Variants in PRDM16 observed in about 807,000 individuals in gnomAD.
PRDM16 encodes histone-lysine N-methyltransferase PRDM16.
In PRDM16, 23 loss-of-function variants were observed where a neutral mutation model predicts 110.6. That is an observed-to-expected ratio of 0.21 (90% CI 0.15 to 0.29). The LOEUF is 0.29. PRDM16 is among the 10% of genes least tolerant of loss of function. The pLI is 1.00. For synonymous variants in PRDM16, 799 were observed against 781.8 expected (o/e 1.02, Z -0.37); for missense variants, 1,615 against 1,794.3 (o/e 0.90, Z 1.81).
At chr1:3,189,610 A>C (rs1638247538) in intron 2 of PRDM16, among the ~76,000 whole-genome samples, 1 of 152,362 alleles carries the variant, frequency 6.6e-6, no homozygotes, top group East Asian at 1.9e-4. Context: ...TGTCCACGGT[A>C]TTTATTTACT....
In PRDM16 at chr1:3,390,282, G is replaced by A. The variant is rs963786409; in HGVS notation, c.573+4996G>A. 6.6e-6 allele frequency among the ~76,000 whole-genome samples: 1 copy of A among 152,192 alleles called. No homozygotes were observed. The highest frequency in any genetic ancestry group is 1.5e-5 in the Non-Finnish European group (1 of 68,036). Reference sequence around the variant, plus strand: ...GGGATGTCAACTGTCTAGTGGGGCTGAAGATGGCTGGGGACAGGGCTGAGG... The same window carrying A: ...GGGATGTCAACTGTCTAGTGGGGCTAAAGATGGCTGGGGACAGGGCTGAGG... On this transcript the variant is annotated intron_variant, in intron 4 of 16. Transcript: ENST00000270722. This position sits in a 1 kb window ranked among gnomAD's most constrained non-coding sequence, Gnocchi z 5.0.
chr1:3,073,608 G>T (rs945811999), intron 1 of PRDM16, among the ~76,000 whole-genome samples: 3 of 152,084 alleles, frequency 2.0e-5, no homozygotes, highest in African/African-American at 7.2e-5. Context: ...AGCGGCGGCC[G>T]CGGGCTCAGA....
chr1:3,428,765 A>C (rs1280670692), intron 14 of PRDM16, among the ~76,000 whole-genome samples: 3 of 151,692 alleles, frequency 2.0e-5, no homozygotes, highest in Non-Finnish European at 3.0e-5. Context: ...CAGCATTCCC[A>C]GGTGGAAGTC....
chr1:3,229,045 G>A (rs1372606344), intron 2 of PRDM16, among the ~76,000 whole-genome samples: 2 of 152,240 alleles, frequency 1.3e-5, no homozygotes, highest in Non-Finnish European at 2.9e-5. Flanking sequence ...AGCCTTCCTG[G>A]GTGAATGCCT....
Position 3,324,937 on chromosome 1 carries a change from G to A in PRDM16, c.439-60215G>A, listed in dbSNP as rs529184893. 9.9e-5 allele frequency among the ~76,000 whole-genome samples: 15 copies of A among 152,254 alleles called. No homozygotes were observed. In the East Asian group the frequency reaches 2.9e-3, roughly 30 times the overall value. On this transcript the variant is annotated intron_variant, in intron 3 of 16. Transcript: ENST00000270722. Reference sequence around the variant, plus strand: ...AGCGGACGCCCCTGGTGGTGCTGGAGAAAATACTGATGTCCTGGGGGGAGG... The same window carrying A: ...AGCGGACGCCCCTGGTGGTGCTGGAAAAAATACTGATGTCCTGGGGGGAGG...
At chr1:3,152,344 GCATTCATCCATC>G (rs1643790861) in intron 1 of PRDM16, among the ~76,000 whole-genome samples, 1 of 79,116 alleles carries the variant, frequency 1.3e-5, no homozygotes, top group Non-Finnish European at 2.6e-5. Flanking sequence ...ATTTATCTAT[GCATTCATCCATC>G]CATCCATCCA....
chr1:3,291,980 C>T (rs908362720), intron 3 of PRDM16, among the ~76,000 whole-genome samples: 1 of 152,232 alleles, frequency 6.6e-6, no homozygotes, highest in Admixed American at 6.5e-5. Flanking sequence ...GGGGCCTACC[C>T]GGTGCCTGGC....
chr1:3,269,733 G>GGAA, intron 3 of PRDM16, among the ~76,000 whole-genome samples: 1 of 151,352 alleles, frequency 6.6e-6, no homozygotes, highest in Middle Eastern at 3.6e-3. Flanking sequence ...AGGACAGTTG[G>GGAA]GAGGACAGTC....
At chr1:3,118,844 G>A (rs1335218425) in intron 1 of PRDM16, among the ~76,000 whole-genome samples, 1 of 152,242 alleles carries the variant, frequency 6.6e-6, no homozygotes, top group Non-Finnish European at 1.5e-5. Context: ...ACTTGCAGGT[G>A]TTTGGACACA....
intron 1 of PRDM16, among the ~76,000 whole-genome samples, chr1:3,184,674 ACACCTCATCACC>A (rs996138890): frequency 1.1e-4 from 16 of 151,860 alleles, no homozygotes; most frequent in African/African-American, 3.9e-4. Context: ...TAGTTTCCAA[ACACCTCATCACC>A]CCGAAAGGAG....
intron 16 of PRDM16, among the ~76,000 whole-genome samples, chr1:3,432,750 G>T (rs181868983): frequency 6.6e-6 from 1 of 152,186 alleles, no homozygotes; most frequent in Non-Finnish European, 1.5e-5. Context: ...AGCCGTCTGC[G>T]TGTCTGTCTT....
intron 1 of PRDM16, among the ~76,000 whole-genome samples, chr1:3,140,649 A>T (rs1569665305): frequency 6.6e-6 from 1 of 152,234 alleles, no homozygotes; most frequent in East Asian, 1.9e-4. Context: ...GGCTGTAAAA[A>T]CCGGGACAGC....
chr1:3,354,375 G>A (rs1198129297), intron 3 of PRDM16, among the ~76,000 whole-genome samples: 4 of 150,158 alleles, frequency 2.7e-5, no homozygotes, highest in Non-Finnish European at 4.4e-5. Context: ...CAGGAGAATC[G>A]CTTGAATCCA....
intron 1 of PRDM16, among the ~76,000 whole-genome samples, chr1:3,076,082 T>G (rs1641892228): frequency 6.6e-6 from 1 of 152,188 alleles, no homozygotes; most frequent in Non-Finnish European, 1.5e-5. Context: ...AAAGCGGCTT[T>G]CTGAGCCTGC....
At chr1:3,404,511 C>T (rs1297471737) in intron 6 of PRDM16, among the ~76,000 whole-genome samples, 1 of 152,256 alleles carries the variant, frequency 6.6e-6, no homozygotes, top group African/African-American at 2.4e-5. Context: ...GGGATGGAAC[C>T]ATCCAGGTGC....
intron 3 of PRDM16, among the ~76,000 whole-genome samples, chr1:3,292,261 CTTA>C (rs1174158775): frequency 6.6e-6 from 1 of 152,206 alleles, no homozygotes; most frequent in African/African-American, 2.4e-5. Context: ...CAACACTTGT[CTTA>C]TTATGCTGCA....
In PRDM16 at chr1:3,212,699, G is replaced by GCGGTCCTCCCGCTCAT. The variant is rs1569855056; in HGVS notation, c.387+26226_387+26227insGGTCCTCCCGCTCATC. Among the ~76,000 whole-genome samples the GCGGTCCTCCCGCTCAT allele has an allele frequency of 4.0e-5, 3 of 75,076 alleles. No homozygotes were observed. The African/African-American group carries it at 5.5e-4, about 14-fold the overall frequency. 49.3% of individuals were successfully genotyped at this position (75,076 alleles called of 152,430 possible). A position where few individuals can be genotyped will look rare whatever the true frequency, so the allele number is the denominator to read the frequency against. On this transcript the variant is annotated intron_variant, in intron 2 of 16. Transcript: ENST00000270722. ...CGGCCCCCTCGCTGCGGTCCTCTCT[G>GCGGTCCTCCCGCTCAT]CCACTGTGGATGGGCTTCACACAAA... is the stretch of plus-strand genomic sequence containing the variant.
intron 1 of PRDM16, among the ~76,000 whole-genome samples, chr1:3,182,441 G>C (rs116619066): frequency 1.3e-5 from 2 of 152,162 alleles, no homozygotes; most frequent in African/African-American, 2.4e-5. Context: ...CTCTTCTCTC[G>C]CTCTCTCCAG....
chr1:3,198,778 C>A (rs115350440), intron 2 of PRDM16, among the ~76,000 whole-genome samples: 149 of 152,294 alleles, frequency 9.8e-4, no homozygotes, highest in African/African-American at 3.5e-3. Flanking sequence ...TCGGCGGAGT[C>A]GGCAGAGTTC....
Sources: allele counts gnomAD v4.1 joint callset (sites outside exome capture counted in the v4.1 genomes callset), GRCh38; gene constraint gnomAD v4.1.1; non-coding constraint Gnocchi (gnomAD v3.1); transcripts MANE v1.5; gene names NCBI Gene and HGNC (gene_info 2026-07-23, HGNC 2026-07-21).